The following IGF1R variants were observed in gnomAD, a reference collection of about 807,000 sequenced individuals.
The protein encoded by IGF1R is insulin like growth factor 1 receptor, also known as insulin-like growth factor 1 receptor.
IGF1R carries 44 observed loss-of-function variants against 144.6 expected under a neutral mutation model. That is an observed-to-expected ratio of 0.30 (90% CI 0.24 to 0.39). The LOEUF is 0.39. IGF1R is among the 10% of genes least tolerant of loss of function. The pLI is 1.00. For missense variants in IGF1R, 1,355 were observed against 1,833.7 expected (o/e 0.74, Z 4.77); for synonymous variants, 795 against 722.8 (o/e 1.10, Z -1.60).
intron 1 of IGF1R, among the ~76,000 whole-genome samples, chr15:98,687,963 G>T (rs1189145244): frequency 1.3e-5 from 2 of 152,156 alleles, no homozygotes; most frequent in African/African-American, 2.4e-5. Flanking sequence ...TGTGGAAATG[G>T]GATACTTGGT....
chr15:98,694,777 C>T (rs117166291), intron 1 of IGF1R, among the ~76,000 whole-genome samples: 2,405 of 152,256 alleles, frequency 0.016, 33 homozygotes, highest in Non-Finnish European at 0.025. Context: ...GTGTGATCTG[C>T]GCATCAGCAC....
chr15:98,956,125 C>T (rs41508349), intron 20 of IGF1R, among the ~76,000 whole-genome samples: 12,514 of 152,290 alleles, frequency 0.082, 755 homozygotes, highest in African/African-American at 0.16. Flanking sequence ...TCAGGGCAGC[C>T]GGCTTTCCTT....
chr15:98,836,492 C>T lies in IGF1R; in HGVS notation c.641-54833C>T, dbSNP rs1012652738. ...TATGATCATGCCACTGCACAACAGT[C>T]TTGGAGACAGATTAAGACCCTGTCT... is the stretch of plus-strand genomic sequence containing the variant. On this transcript the variant is annotated intron_variant, in intron 2 of 20. Transcript: ENST00000650285. Among the ~76,000 whole-genome samples, 10 of 145,650 alleles carry T rather than the reference C, an allele frequency of 6.9e-5. No individual in the cohort carries two copies. The South Asian group carries it at 2.2e-3, about 32-fold the overall frequency.
intron 5 of IGF1R, among the ~76,000 whole-genome samples, chr15:98,900,298 C>G (rs2014417124): frequency 6.6e-6 from 1 of 152,222 alleles, no homozygotes; most frequent in African/African-American, 2.4e-5. Flanking sequence ...TGCATATGTA[C>G]TTTTCTCTTT....
intron 2 of IGF1R, among the ~76,000 whole-genome samples, chr15:98,796,360 C>T (rs542053089): frequency 7.9e-5 from 12 of 152,090 alleles, no homozygotes; most frequent in East Asian, 1.9e-4. Context: ...TCAGCCAACT[C>T]GAGAGGGTTA....
At position 98,707,224 on chromosome 15, in the gene IGF1R, C is replaced by T. The variant is rs745469536; in HGVS notation, c.95-338C>T. 2.0e-5 allele frequency among the ~76,000 whole-genome samples: 3 copies of T among 152,134 alleles called. No individual in the cohort carries two copies. The highest frequency in any genetic ancestry group is 4.4e-5 in the Non-Finnish European group (3 of 68,030). ...ACCAGGAGTGTGCGGTGGTGGAGTC[C>T]GGCTGGCCTGGGTTGCAGATTTAAC... On this transcript the variant is annotated intron_variant, in intron 1 of 20. Coordinates refer to ENST00000650285, the MANE Select transcript of IGF1R (RefSeq NM_000875.5). This position sits in a 1 kb window ranked among gnomAD's most constrained non-coding sequence, Gnocchi z 6.7.
At chr15:98,921,407 C>T (rs1045534597) in intron 10 of IGF1R, among the ~76,000 whole-genome samples, 14 of 152,132 alleles carry the variant, frequency 9.2e-5, no homozygotes, top group South Asian at 4.1e-4. Context: ...TTTTGCTTTT[C>T]GGTTGTTCCA....
At chr15:98,875,469 C>T (rs535116615) in intron 2 of IGF1R, among the ~76,000 whole-genome samples, 10 of 151,550 alleles carry the variant, frequency 6.6e-5, no homozygotes, top group African/African-American at 2.2e-4. Context: ...TCTACTGATC[C>T]CTTCATTGAG....
intron 1 of IGF1R, among the ~76,000 whole-genome samples, chr15:98,686,712 C>G (rs1478464309): frequency 6.7e-6 from 1 of 149,658 alleles, no homozygotes; most frequent in Admixed American, 6.7e-5. Flanking sequence ...ACATTGTTGT[C>G]CAGGCTAGAG....
intron 2 of IGF1R, among the ~76,000 whole-genome samples, chr15:98,771,162 T>A (rs2055573913): frequency 6.6e-6 from 1 of 152,176 alleles, no homozygotes; most frequent in Non-Finnish European, 1.5e-5. Flanking sequence ...GTTTGTGTAT[T>A]CCATTCATCA....
At chr15:98,649,937 C>T (rs577188543) in intron 1 of IGF1R, among the ~76,000 whole-genome samples, 2,575 of 152,282 alleles carry the variant, frequency 0.017, 31 homozygotes, top group Non-Finnish European at 0.023. Flanking sequence ...GTCCTGACAG[C>T]CCAGCCGTGT....
intron 2 of IGF1R, among the ~76,000 whole-genome samples, chr15:98,783,920 T>G (rs546244354): frequency 6.6e-6 from 1 of 150,432 alleles, no homozygotes; most frequent in African/African-American, 2.4e-5. Flanking sequence ...GCACATAGAG[T>G]TTTTGATTGG....
At chr15:98,743,989 A>G (rs935487723) in intron 2 of IGF1R, among the ~76,000 whole-genome samples, 10 of 152,156 alleles carry the variant, frequency 6.6e-5, no homozygotes, top group African/African-American at 2.2e-4. Flanking sequence ...TGCTGGAGGA[A>G]GATCAGGTGG....
intron 20 of IGF1R, among the ~76,000 whole-genome samples, chr15:98,953,768 C>G (rs2016869835): frequency 6.6e-6 from 1 of 152,212 alleles, no homozygotes; most frequent in Admixed American, 6.5e-5. Context: ...GAGTCTGAAA[C>G]AAACTTAGTG....
At chr15:98,950,567 G>A (rs895705051) in intron 20 of IGF1R, among the ~76,000 whole-genome samples, 1 of 152,212 alleles carries the variant, frequency 6.6e-6, no homozygotes, top group African/African-American at 2.4e-5. Context: ...CACAGTCCTT[G>A]CCATATACAG....
At chr15:98,731,904 T>C (rs1049285718) in intron 2 of IGF1R, among the ~76,000 whole-genome samples, 10 of 152,186 alleles carry the variant, frequency 6.6e-5, no homozygotes, top group African/African-American at 2.2e-4. Context: ...GTTGCTTGCA[T>C]TGGGAGAGCC....
intron 2 of IGF1R, among the ~76,000 whole-genome samples, chr15:98,747,800 T>A (rs568613054): frequency 6.6e-5 from 10 of 152,318 alleles, no homozygotes; most frequent in Admixed American, 1.3e-4. Flanking sequence ...TATGACCAAA[T>A]TTGGTTTGAA....
At chr15:98,819,447 T>C (rs2056762363) in intron 2 of IGF1R, among the ~76,000 whole-genome samples, 1 of 152,152 alleles carries the variant, frequency 6.6e-6, no homozygotes, top group African/African-American at 2.4e-5. Flanking sequence ...ATTGTGCCTT[T>C]ATAAAAGAGA....
chr15:98,874,461 G>T (rs921646207), intron 2 of IGF1R, among the ~76,000 whole-genome samples: 3 of 152,128 alleles, frequency 2.0e-5, no homozygotes, highest in Non-Finnish European at 4.4e-5. Flanking sequence ...GAAAATTTGC[G>T]GGTTGTTTGT....
Sources: allele counts gnomAD v4.1 joint callset (sites outside exome capture counted in the v4.1 genomes callset), GRCh38; gene constraint gnomAD v4.1.1; non-coding constraint Gnocchi (gnomAD v3.1); transcripts MANE v1.5; gene names NCBI Gene and HGNC (gene_info 2026-07-23, HGNC 2026-07-21).